Variants in PAK6 observed in about 807,000 individuals in gnomAD.
PAK6 encodes serine/threonine-protein kinase PAK 6.
PAK6 carries 33 observed loss-of-function variants against 60.8 expected under a neutral mutation model. The observed-to-expected ratio is 0.54, with a 90% CI of 0.41 to 0.73. PAK6 has a LOEUF of 0.73. Among genes scored for constraint, PAK6 ranks in the 30% least tolerant of loss-of-function variants. The pLI, the probability that PAK6 is intolerant of heterozygous loss-of-function variation, is 0.00. For synonymous variants in PAK6, 404 were observed against 378.5 expected (o/e 1.07, Z -0.78); for missense variants, 845 against 904.1 (o/e 0.93, Z 0.84).
At chr15:40,252,478 C>T in intron 2 of PAK6, 1 of 1,362,830 alleles carries the variant, frequency 7.3e-7, no homozygotes. Context: ...AAGGCCCCAG[C>T]GACACTTGGC....
chr15:40,255,770 G>A (rs1031108604), intron 3 of PAK6, among the ~76,000 whole-genome samples: 1 of 152,164 alleles, frequency 6.6e-6, no homozygotes, highest in African/African-American at 2.4e-5. Context: ...CAGAAGGCAG[G>A]GGCTGCAGGG....
chr15:40,242,122 G>A (rs1265971072), intron 2 of PAK6, among the ~76,000 whole-genome samples: 3 of 152,058 alleles, frequency 2.0e-5, no homozygotes, highest in Non-Finnish European at 2.9e-5. Context: ...GAGAGTAGGG[G>A]CCAGGGCAGG....
chr15:40,264,617 C>T, intron 3 of PAK6, 164 bp from the exon 4 acceptor site: 1 of 652,954 alleles, frequency 1.5e-6, no homozygotes, highest in Non-Finnish European at 2.7e-6. Flanking sequence ...TGCTGGGAGC[C>T]AGCCATTTCC....
intron 5 of PAK6, among the ~76,000 whole-genome samples, chr15:40,268,057 C>A (rs543775591): frequency 6.6e-6 from 1 of 152,188 alleles, no homozygotes; most frequent in Non-Finnish European, 1.5e-5. Context: ...TGAGTACTCA[C>A]CATGGGCCAC....
At chr15:40,266,698 T>A (rs1433526011) in intron 5 of PAK6, 1 of 511,260 alleles carries the variant, frequency 2.0e-6, no homozygotes. Context: ...TTCTTTTCTC[T>A]GTGGCTGTTG....
chr15:40,275,280 G>GTTTTTTTTTTTTGTTTTTTT (rs2039419526), intron 10 of PAK6, among the ~76,000 whole-genome samples: 1 of 56,486 alleles, frequency 1.8e-5, no homozygotes, highest in African/African-American at 7.2e-5. Flanking sequence ...GTTGTTGTTG[G>GTTTTTTTTTTTTGTTTTTTT]TTTTTTTTTT....
At chr15:40,253,358 C>G in intron 3 of PAK6, 69 bp downstream of exon 3, 1 of 439,962 alleles carries the variant, frequency 2.3e-6, no homozygotes, top group Admixed American at 2.4e-5. Context: ...CAGGGAGGGA[C>G]AGTGGGCAGG....
chr15:40,273,341 T>C lies in PAK6; in HGVS notation c.1491-5T>C. ...TTCATCGGGTGGCCCCACCTTCCTGTCCAGGCTGAATGAGGAGCAGATTGC... is the reference window on the plus strand; with the variant it reads ...TTCATCGGGTGGCCCCACCTTCCTGCCCAGGCTGAATGAGGAGCAGATTGC... On this transcript the variant is annotated splice_polypyrimidine_tract_variant and splice_region_variant and intron_variant, in intron 7 of 10. Transcript: ENST00000560346. The C allele has an allele frequency of 6.2e-7, 1 of 1,613,280 alleles. No homozygotes were observed. Among genetic ancestry groups the C allele is most frequent in the Non-Finnish European group, 8.5e-7 (1 of 1,179,632 alleles).
At chr15:40,275,871 G>A in intron 10 of PAK6, 56 bp from the exon 11 acceptor site, 1 of 1,511,004 alleles carries the variant, frequency 6.6e-7, no homozygotes, top group Non-Finnish European at 9.1e-7. Context: ...CAGGCAATCA[G>A]GTCACCCCGA....
At chr15:40,276,227 C>T (rs1212826089) in exon 11 of PAK6, 10 of 891,722 alleles carry the variant, frequency 1.1e-5, no homozygotes, top group Admixed American at 9.2e-5. Flanking sequence ...CCCAGCCCCA[C>T]CCTCTGCCCT....
chr15:40,274,658 C>T (rs923740234), intron 10 of PAK6, among the ~76,000 whole-genome samples: 4 of 152,220 alleles, frequency 2.6e-5, no homozygotes, highest in African/African-American at 7.2e-5. Context: ...TAACCCGTGT[C>T]GGGAGATCCA....
chr15:40,247,939 T>A (rs1566842982), intron 2 of PAK6, among the ~76,000 whole-genome samples: 1 of 152,164 alleles, frequency 6.6e-6, no homozygotes. Flanking sequence ...CTTCTGCAGC[T>A]GTGAGGGCTG....
intron 5 of PAK6, among the ~76,000 whole-genome samples, chr15:40,267,376 G>A (rs1040917343): frequency 9.9e-5 from 15 of 152,198 alleles, no homozygotes; most frequent in Non-Finnish European, 1.8e-4. Context: ...AGTTCTGGGC[G>A]GCCGCGCGTG....
At chr15:40,240,787 G>A in intron 2 of PAK6, 106 bp downstream of exon 2, 1 of 365,830 alleles carries the variant, frequency 2.7e-6, no homozygotes, top group Non-Finnish European at 5.4e-6. Flanking sequence ...TAACTCCACA[G>A]CTGTGGGTTC....
intron 2 of PAK6, chr15:40,252,166 G>T: frequency 2.7e-6 from 2 of 749,582 alleles, no homozygotes; most frequent in Non-Finnish European, 3.7e-6. Context: ...TCCCGCGTGG[G>T]CTCTCCAGGA....
intron 2 of PAK6, among the ~76,000 whole-genome samples, chr15:40,244,357 G>A (rs543560413): frequency 1.4e-5 from 2 of 147,538 alleles, no homozygotes; most frequent in East Asian, 2.0e-4. Context: ...GCCAGTAATC[G>A]TGAGGTTCCA....
intron 2 of PAK6, among the ~76,000 whole-genome samples, chr15:40,244,558 C>T (rs1051615206): frequency 2.0e-5 from 3 of 151,574 alleles, no homozygotes; most frequent in African/African-American, 7.3e-5. Flanking sequence ...CCACCATGCC[C>T]GGCTGATTTT....
intron 5 of PAK6, among the ~76,000 whole-genome samples, chr15:40,267,816 C>T (rs1362279467): frequency 6.6e-6 from 1 of 152,202 alleles, no homozygotes; most frequent in Non-Finnish European, 1.5e-5. Flanking sequence ...GGCTGTGCCC[C>T]TGGGGAGACT....
intron 5 of PAK6, 151 bp downstream of exon 5, chr15:40,266,646 T>A: frequency 1.5e-6 from 1 of 656,376 alleles, no homozygotes; most frequent in Non-Finnish European, 2.4e-6. Flanking sequence ...ACCTCTTCTC[T>A]AAGGAGGGTG....
Sources: gnomAD v4.1 joint callset for allele counts (sites outside exome capture counted in the v4.1 genomes callset) on GRCh38, gnomAD v4.1.1 for gene constraint, MANE v1.5 for transcripts, NCBI Gene and HGNC (gene_info 2026-07-23, HGNC 2026-07-21) for gene names.